RERE: variants seen among roughly 807,000 people sequenced by gnomAD.
RERE encodes the protein arginine-glutamic acid dipeptide repeats.
In RERE, 40 loss-of-function variants were observed where a neutral mutation model predicts 146.1. That is an observed-to-expected ratio of 0.27 (90% CI 0.21 to 0.36). The LOEUF is 0.36. Ranked by LOEUF, RERE falls within the 10% of genes least tolerant of loss-of-function variation. The pLI is 1.00. For missense variants in RERE, 1,933 were observed against 2,138.7 expected (o/e 0.90, Z 1.90); for synonymous variants, 1,003 against 866.0 (o/e 1.16, Z -2.78).
intron 1 of RERE, among the ~76,000 whole-genome samples, chr1:8,733,830 G>C (rs1482283705): frequency 6.6e-6 from 1 of 152,236 alleles, no homozygotes; most frequent in South Asian, 2.1e-4. Context: ...TATGTATGTG[G>C]CTGGGCACGG....
In RERE at chr1:8,490,343, C is replaced by CAAA. The variant is rs530925995; in HGVS notation, c.1104+4717_1104+4719dup. Among the ~76,000 whole-genome samples the CAAA allele has an allele frequency of 5.5e-3, 412 of 75,232 alleles. 3 individuals are homozygous for CAAA. The highest frequency in any genetic ancestry group is 0.017 in the African/African-American group (381 of 22,170). 49.4% of individuals were successfully genotyped at this position (75,232 alleles called of 152,430 possible). On this transcript the variant is annotated intron_variant, in intron 10 of 22. Coordinates refer to ENST00000400908, the MANE Select transcript of RERE (RefSeq NM_001042681.2). ...CTGCACTCCAGCCTGGGCAACATCT[C>CAAA]AAAAAAAAAAAAAAAAGAAAAGAAA...
chr1:8,597,584 C>T (rs1646570168), intron 4 of RERE, among the ~76,000 whole-genome samples: 1 of 152,116 alleles, frequency 6.6e-6, no homozygotes, highest in African/African-American at 2.4e-5. Context: ...AAGAATTTAT[C>T]TGACAACGTG....
At chr1:8,366,542 G>T (rs1570056711) in intron 12 of RERE, among the ~76,000 whole-genome samples, 1 of 152,128 alleles carries the variant, frequency 6.6e-6, no homozygotes, top group Non-Finnish European at 1.5e-5. Flanking sequence ...AACAGAGACC[G>T]CATGCTCAGG....
intron 1 of RERE, chr1:8,792,486 T>A (rs1225381041): frequency 1.3e-5 from 2 of 152,204 alleles, no homozygotes; most frequent in African/African-American, 4.8e-5. Context: ...AGTAACACCA[T>A]AAACAGGCTG....
intron 7 of RERE, among the ~76,000 whole-genome samples, chr1:8,527,116 C>T (rs1254317507): frequency 6.6e-6 from 1 of 152,116 alleles, no homozygotes; most frequent in Non-Finnish European, 1.5e-5. Context: ...ATAGCACTCC[C>T]GTTTATGCTA....
intron 1 of RERE, among the ~76,000 whole-genome samples, chr1:8,658,593 T>A (rs1169863908): frequency 6.6e-6 from 1 of 151,826 alleles, no homozygotes; most frequent in African/African-American, 2.4e-5. Context: ...CCATCTCTAC[T>A]AAAAATACAA....
At chr1:8,447,816 C>T (rs1451621452) in intron 11 of RERE, among the ~76,000 whole-genome samples, 1 of 152,188 alleles carries the variant, frequency 6.6e-6, no homozygotes, top group Non-Finnish European at 1.5e-5. Flanking sequence ...ACCTCCAGAT[C>T]CAACTCGAGC....
intron 8 of RERE, among the ~76,000 whole-genome samples, chr1:8,501,564 C>A (rs1348863535): frequency 8.9e-6 from 1 of 111,842 alleles, no homozygotes; most frequent in Non-Finnish European, 1.9e-5. Flanking sequence ...TCGCCCCTAC[C>A]GGGAAGTGAG....
At chr1:8,557,578 C>A in intron 4 of RERE, 55 bp from the exon 5 acceptor site, 1 of 1,148,322 alleles carries the variant, frequency 8.7e-7, no homozygotes, top group South Asian at 1.2e-5. Flanking sequence ...GCCACAAGTG[C>A]ATATCATACC....
intron 1 of RERE, among the ~76,000 whole-genome samples, chr1:8,715,498 C>T (rs1016034743): frequency 1.3e-5 from 2 of 151,556 alleles, no homozygotes; most frequent in African/African-American, 4.8e-5. Context: ...GCAACAAGAG[C>T]GAAACTCCGT....
chr1:8,681,342 A>G (rs7556169), intron 1 of RERE, among the ~76,000 whole-genome samples: 88,851 of 151,990 alleles, frequency 0.58, 26,522 homozygotes, highest in East Asian at 0.83. Context: ...TTCTCTTAAT[A>G]TTTTTGTCAG....
chr1:8,575,146 C>T (rs751819708), intron 4 of RERE, among the ~76,000 whole-genome samples: 1 of 152,076 alleles, frequency 6.6e-6, no homozygotes, highest in East Asian at 1.9e-4. Flanking sequence ...GTGAAAGACA[C>T]GCGAAACTCA....
intron 1 of RERE, among the ~76,000 whole-genome samples, chr1:8,755,606 T>A (rs897058755): frequency 2.6e-5 from 4 of 152,172 alleles, no homozygotes; most frequent in Non-Finnish European, 5.9e-5. Context: ...CTAAATAGTA[T>A]GCCAAGTAGC....
chr1:8,773,335 A>AT (rs1312641051), intron 1 of RERE, among the ~76,000 whole-genome samples: 2 of 152,242 alleles, frequency 1.3e-5, no homozygotes, highest in African/African-American at 4.8e-5. Flanking sequence ...ATATGAAATT[A>AT]TATTAAATCA....
At chr1:8,791,471 A>T (rs1271274998) in intron 1 of RERE, among the ~76,000 whole-genome samples, 1 of 152,268 alleles carries the variant, frequency 6.6e-6, no homozygotes, top group Non-Finnish European at 1.5e-5. Flanking sequence ...CACTAAAAAA[A>T]TAAAATTCTG....
chr1:8,530,380 T>C (rs1368092364), intron 7 of RERE, among the ~76,000 whole-genome samples: 1 of 152,184 alleles, frequency 6.6e-6, no homozygotes, highest in Non-Finnish European at 1.5e-5. Flanking sequence ...CTATCAAAGG[T>C]AAGTAAAAGC....
intron 2 of RERE, among the ~76,000 whole-genome samples, chr1:8,635,207 T>C (rs1037980613): frequency 6.6e-6 from 1 of 152,130 alleles, no homozygotes; most frequent in African/African-American, 2.4e-5. Flanking sequence ...CACAGTAATT[T>C]CCAATCATCT....
Position 8,396,687 on chromosome 1 carries a change from AAAATT to A in RERE, c.1284+26035_1284+26039del, listed in dbSNP as rs1229352130. On this transcript the variant is annotated intron_variant, in intron 12 of 22. Coordinates refer to ENST00000400908, the MANE Select transcript of RERE (RefSeq NM_001042681.2). Reference sequence around the variant, plus strand: ...TATTGAGGTAAAATTCACATAACATAAAATTAATCATTTTAAAGTTTACAATTCAG... The same window carrying A: ...TATTGAGGTAAAATTCACATAACATAAATCATTTTAAAGTTTACAATTCAG... Among the ~76,000 whole-genome samples the A allele has an allele frequency of 2.0e-5, 3 of 152,262 alleles. No individual in the cohort carries two copies. The East Asian group carries it at 5.8e-4, about 29-fold the overall frequency.
chr1:8,445,758 G>A (rs1644309027), intron 11 of RERE, among the ~76,000 whole-genome samples: 1 of 151,830 alleles, frequency 6.6e-6, no homozygotes, highest in African/African-American at 2.4e-5. Flanking sequence ...TACCATGGTG[G>A]TTTGCTGCAC....
Sources: gnomAD v4.1 joint callset for allele counts (sites outside exome capture counted in the v4.1 genomes callset) on GRCh38, gnomAD v4.1.1 for gene constraint, MANE v1.5 for transcripts, NCBI Gene and HGNC (gene_info 2026-07-23, HGNC 2026-07-21) for gene names.